CDH12: variants seen among roughly 807,000 people sequenced by gnomAD.
CDH12 encodes cadherin 12.
In CDH12, 41 loss-of-function variants were observed where a neutral mutation model predicts 74.1. The observed-to-expected ratio is 0.55, with a 90% confidence interval of 0.43 to 0.72. The LOEUF is 0.72. CDH12 is among the 30% of genes least tolerant of loss of function. The pLI, the probability that CDH12 is intolerant of heterozygous loss-of-function variation, is 0.00. For synonymous variants in CDH12, 399 were observed against 355.0 expected (o/e 1.12, Z -1.39); for missense variants, 945 against 977.2 (o/e 0.97, Z 0.44).
chr5:22,065,743 G>A (rs1016776132), intron 5 of CDH12, among the ~76,000 whole-genome samples: 10 of 152,110 alleles, frequency 6.6e-5, no homozygotes, highest in African/African-American at 2.4e-4. Context: ...GCTGAATTGG[G>A]AAATGTAAAT....
chr5:21,882,007 T>G lies in CDH12; in HGVS notation c.527-27217A>C, dbSNP rs57486741. On this transcript the variant is annotated intron_variant, in intron 6 of 14. Coordinates refer to ENST00000382254, the MANE Select transcript of CDH12 (RefSeq NM_004061.5). ...TGATGTATTGATTGGAAATTCAAGA[T>G]AAATAATAAGCGTTTTACTAAAATG... is the stretch of plus-strand genomic sequence containing the variant. Among the ~76,000 whole-genome samples, 1,329 of 152,340 alleles carry G rather than the reference T, an allele frequency of 8.7e-3. 21 individuals are homozygous for G. The highest frequency in any genetic ancestry group is 0.03 in the African/African-American group (1,256 of 41,574).
At chr5:22,516,542 C>A (rs987030061) in intron 1 of CDH12, among the ~76,000 whole-genome samples, 1 of 152,082 alleles carries the variant, frequency 6.6e-6, no homozygotes. Context: ...CACCTGTAAT[C>A]CCAGCATTTT....
At chr5:22,185,578 C>T (rs1749896928) in intron 4 of CDH12, among the ~76,000 whole-genome samples, 3 of 152,162 alleles carry the variant, frequency 2.0e-5, no homozygotes. Context: ...TGTCCCTTTT[C>T]ATGTAGATGA....
At chr5:22,820,817 CG>C (rs1749659667) in intron 1 of CDH12, among the ~76,000 whole-genome samples, 2 of 151,746 alleles carry the variant, frequency 1.3e-5, no homozygotes, top group South Asian at 4.2e-4. Flanking sequence ...AAGGAGGAAC[CG>C]GTACCATTCC....
chr5:22,388,159 TC>T (rs1742082303), intron 3 of CDH12, among the ~76,000 whole-genome samples: 2 of 152,082 alleles, frequency 1.3e-5, no homozygotes. Flanking sequence ...CTGAAAATAT[TC>T]TTTTGTGAGT....
At chr5:22,274,875 T>A (rs1197595786) in intron 3 of CDH12, among the ~76,000 whole-genome samples, 3 of 152,174 alleles carry the variant, frequency 2.0e-5, no homozygotes, top group South Asian at 4.1e-4. Context: ...TGAAATGATT[T>A]TCATTTCTTG....
At chr5:21,848,795 C>A (rs1477751156) in intron 7 of CDH12, among the ~76,000 whole-genome samples, 2 of 151,784 alleles carry the variant, frequency 1.3e-5, no homozygotes, top group Non-Finnish European at 2.9e-5. Context: ...AAGCTCTCAT[C>A]CCTTCAATCA....
At chr5:22,527,807 G>C (rs1291383859) in intron 1 of CDH12, among the ~76,000 whole-genome samples, 1 of 152,078 alleles carries the variant, frequency 6.6e-6, no homozygotes, top group Non-Finnish European at 1.5e-5. Flanking sequence ...ATTTCGATTT[G>C]CTCACTATGG....
intron 1 of CDH12, among the ~76,000 whole-genome samples, chr5:22,571,469 G>T (rs1479642402): frequency 6.6e-6 from 1 of 152,148 alleles, no homozygotes; most frequent in Non-Finnish European, 1.5e-5. Context: ...TGGGATTACA[G>T]GCATGCGCCA....
intron 4 of CDH12, among the ~76,000 whole-genome samples, chr5:22,109,970 T>C (rs1216448733): frequency 1.3e-5 from 2 of 152,216 alleles, no homozygotes; most frequent in Non-Finnish European, 2.9e-5. Context: ...ATAGTACATT[T>C]TGAAATTAGA....
At chr5:21,781,583 G>A (rs925157198) in intron 11 of CDH12, among the ~76,000 whole-genome samples, 2 of 152,000 alleles carry the variant, frequency 1.3e-5, no homozygotes, top group African/African-American at 4.8e-5. Context: ...AATTAGCCAG[G>A]TGCGATGATA....
At chr5:21,943,491 A>C (rs1032681618) in intron 6 of CDH12, among the ~76,000 whole-genome samples, 5 of 152,168 alleles carry the variant, frequency 3.3e-5, no homozygotes, top group African/African-American at 1.2e-4. Flanking sequence ...GTGAACTTCA[A>C]GTTTCAATCA....
At chr5:22,423,603 G>C (rs1408837510) in intron 2 of CDH12, among the ~76,000 whole-genome samples, 1 of 151,086 alleles carries the variant, frequency 6.6e-6, no homozygotes, top group African/African-American at 2.4e-5. Flanking sequence ...ACAGTTACTT[G>C]ATCAAAAACA....
chr5:22,053,415 C>G (rs1740523196), intron 5 of CDH12, among the ~76,000 whole-genome samples: 1 of 152,090 alleles, frequency 6.6e-6, no homozygotes, highest in Admixed American at 6.6e-5. Context: ...CATTTAAGAG[C>G]TTGCTTTACT....
chr5:22,319,964 G>C (rs1045857871), intron 3 of CDH12, among the ~76,000 whole-genome samples: 1 of 152,096 alleles, frequency 6.6e-6, no homozygotes, highest in African/African-American at 2.4e-5. Flanking sequence ...GGGAGATGGA[G>C]ACTAACTGAC....
intron 6 of CDH12, among the ~76,000 whole-genome samples, chr5:21,912,659 G>T (rs1413696906): frequency 6.6e-6 from 1 of 152,118 alleles, no homozygotes; most frequent in African/African-American, 2.4e-5. Context: ...CTAGACAGTA[G>T]AATCATTCAA....
chr5:21,986,762 TAACAA>T (rs956480472), intron 5 of CDH12, among the ~76,000 whole-genome samples: 8 of 152,272 alleles, frequency 5.3e-5, no homozygotes, highest in African/African-American at 1.9e-4. Context: ...CAGCTATTAA[TAACAA>T]TACATTACTA....
intron 2 of CDH12, among the ~76,000 whole-genome samples, chr5:22,428,855 G>A (rs2126515403): frequency 6.6e-6 from 1 of 152,186 alleles, no homozygotes; most frequent in East Asian, 1.9e-4. Flanking sequence ...AGAACAGCCT[G>A]CCTTTAGGGA....
rs546421069 is a variant in CDH12 at position 22,557,332 on chromosome 5, C to T, written c.-522-51968G>A. ...TATGAAAGTATAACAATGCAATTTT[C>T]GTAACAGATTGATTTACAGAGATTG... On this transcript the variant is annotated intron_variant, in intron 1 of 14. Transcript: ENST00000382254. Among the ~76,000 whole-genome samples, 16 of 152,124 alleles carry T rather than the reference C, an allele frequency of 1.1e-4. No individual in the cohort carries two copies. The South Asian group carries it at 1.9e-3, about 18-fold the overall frequency.
Sources: gnomAD v4.1 joint callset for allele counts (sites outside exome capture counted in the v4.1 genomes callset) on GRCh38, gnomAD v4.1.1 for gene constraint, MANE v1.5 for transcripts, NCBI Gene and HGNC (gene_info 2026-07-23, HGNC 2026-07-21) for gene names.